CD96: variants seen among roughly 807,000 people sequenced by gnomAD.
CD96 encodes T-cell surface protein tactile.
A neutral mutation model predicts 71.3 loss-of-function variants in CD96; 70 were observed. That is an observed-to-expected ratio of 0.98 (90% confidence interval 0.81 to 1.20). The LOEUF (loss-of-function observed/expected upper bound fraction) is 1.20. Among genes scored for constraint, CD96 ranks in the 50% most tolerant of loss-of-function variants. The probability of loss-of-function intolerance (pLI) is 0.00; values close to 1 mark genes in which losing one functional copy is unlikely to be tolerated. For synonymous variants in CD96, 248 were observed against 233.0 expected, an observed-to-expected ratio of 1.06 and a Z score of -0.59; for missense variants, 742 against 677.5, an observed-to-expected ratio of 1.10 and a Z score of -1.06.
chr3:111,580,573 A>G (rs1332211617), intron 4 of CD96, among the ~76,000 whole-genome samples: 2 of 152,346 alleles, frequency 1.3e-5, no homozygotes, highest in East Asian at 3.9e-4. Context: ...AAGCAAAAAA[A>G]AATTATTTGG....
chr3:111,647,597 C>T lies in CD96; in HGVS notation c.1532C>T (p.Ala511Val). 2 of 1,611,436 alleles carry T rather than the reference C, an allele frequency of 1.2e-6. No individual in the cohort carries two copies. Among genetic ancestry groups the T allele is most frequent in the South Asian group, 1.1e-5 (1 of 91,028 alleles). ...ATGTCCTGGCCAGTGATTGTAGCAG[C>T]TTTACTCTTTTGCTGCATGATATTG... Reference protein sequence around the residue: ...DGMSWPVIVAALLFCCMILFG... With the variant: ...DGMSWPVIVAVLLFCCMILFG... Residue 511 changes from alanine (A) to valine (V), a missense_variant, in exon 13 of 14, where the codon GCT (alanine) becomes GTT (valine). By Grantham distance (64) the Ala-to-Val change is moderately conservative. Transcript: ENST00000352690.
intron 12 of CD96, among the ~76,000 whole-genome samples, chr3:111,640,807 A>G (rs1939554016): frequency 1.3e-5 from 2 of 152,220 alleles, no homozygotes; most frequent in South Asian, 4.1e-4. Flanking sequence ...AAATCCTACA[A>G]GCTAGAAGAG....
intron 8 of CD96, among the ~76,000 whole-genome samples, chr3:111,620,725 A>G (rs1317564215): frequency 4.6e-5 from 7 of 152,164 alleles, no homozygotes; most frequent in Admixed American, 2.0e-4. Flanking sequence ...TCAGCCCTCA[A>G]TGTACTCCAC....
intron 2 of CD96, among the ~76,000 whole-genome samples, chr3:111,549,484 T>C (rs1450224253): frequency 1.3e-5 from 2 of 152,152 alleles, no homozygotes; most frequent in Non-Finnish European, 1.5e-5. Context: ...ATTTCAAAAA[T>C]GCATCTTTGT....
At chr3:111,624,928 C>A (rs188889830) in intron 10 of CD96, among the ~76,000 whole-genome samples, 69 of 152,302 alleles carry the variant, frequency 4.5e-4, no homozygotes, top group Middle Eastern at 3.4e-3. Flanking sequence ...TTAGCAGATA[C>A]AGACAGGATC....
chr3:111,571,816 G>T (rs1004340698), intron 3 of CD96, among the ~76,000 whole-genome samples: 1 of 152,216 alleles, frequency 6.6e-6, no homozygotes, highest in African/African-American at 2.4e-5. Context: ...GATTCAGCCA[G>T]TCTATTAAAC....
chr3:111,657,288 T>C (rs962803215), downstream of CD96, among the ~76,000 whole-genome samples: 1 of 151,820 alleles, frequency 6.6e-6, no homozygotes, highest in Non-Finnish European at 1.5e-5. Context: ...CATGGTGGCA[T>C]GTGCCTGTAG....
At chr3:111,546,895 C>CACACACACACACACACAGACACATAA (rs1934425824) in intron 2 of CD96, among the ~76,000 whole-genome samples, 2 of 128,246 alleles carry the variant, frequency 1.6e-5, no homozygotes, top group Admixed American at 1.6e-4. Flanking sequence ...GAAAACACAC[C>CACACACACACACACACAGACACATAA]ACACACACAC....
At chr3:111,607,018 C>T in intron 8 of CD96, 1 of 583,378 alleles carries the variant, frequency 1.7e-6, no homozygotes, top group Non-Finnish European at 3.1e-6. Flanking sequence ...CAGACTTGTA[C>T]AACCATGACT....
At chr3:111,607,242 G>A (rs369256861) in intron 8 of CD96, among the ~76,000 whole-genome samples, 1 of 152,156 alleles carries the variant, frequency 6.6e-6, no homozygotes, top group East Asian at 1.9e-4. Flanking sequence ...CCAAAACAAT[G>A]TTCTCAGTGG....
At chr3:111,555,698 C>T (rs1449601524) in intron 2 of CD96, among the ~76,000 whole-genome samples, 3 of 152,280 alleles carry the variant, frequency 2.0e-5, no homozygotes, top group Non-Finnish European at 4.4e-5. Context: ...TATGATGTGT[C>T]TTTTGGCTTT....
At position 111,607,268 on chromosome 3, in the gene CD96, G is replaced by T. The variant is rs143123879; in HGVS notation, c.1180+476G>T. ...TTCTCAGTGGGGAGTTTAAGAGATT[G>T]GTTGTAAATGGGGATAGGCCAAAAG... On this transcript the variant is annotated intron_variant, in intron 8 of 13. Transcript: ENST00000352690. Among the ~76,000 whole-genome samples, 97 of 152,260 alleles carry T rather than the reference G, an allele frequency of 6.4e-4. 1 individual carries two copies. The highest frequency in any genetic ancestry group is 2.8e-3 in the Admixed American group (43 of 15,296).
At chr3:111,653,985 A>G (rs1325597110), downstream of CD96, among the ~76,000 whole-genome samples, 1 of 152,166 alleles carries the variant, frequency 6.6e-6, no homozygotes, top group Non-Finnish European at 1.5e-5. Context: ...AAGTTTAGAG[A>G]AACTTACTAA....
Position 111,637,247 on chromosome 3 carries a change from G to T in CD96, c.1373G>T (p.Gly458Val), listed in dbSNP as rs367750319. ...TACAGTTCATCCCCGTCAGGTGCAG[G>T]CTCAACACTTCATGGTGAGTACTTG... ...ETYSSSPSGA[G>V]STLHDNVFTS... The change falls in exon 11 of 14, where the codon GGC becomes GTC. Residue 458 changes from glycine to valine, a missense_variant. By Grantham distance (109) the Gly-to-Val change is moderately radical (BLOSUM62 -3). Coordinates refer to ENST00000352690, the MANE Select transcript of CD96 (RefSeq NM_005816.5). The T allele has an allele frequency of 6.4e-7, 1 of 1,566,694 alleles. No homozygotes were observed. The highest frequency in any genetic ancestry group is 8.8e-7 in the Non-Finnish European group (1 of 1,136,708).
At chr3:111,664,924 A>G (rs1940445262) in intron 14 of CD96, among the ~76,000 whole-genome samples, 1 of 152,250 alleles carries the variant, frequency 6.6e-6, no homozygotes, top group Non-Finnish European at 1.5e-5. Flanking sequence ...CGATGTTGTT[A>G]TGTAAGAGAT....
chr3:111,605,038 G>A (rs1937586289), intron 7 of CD96, among the ~76,000 whole-genome samples: 1 of 152,154 alleles, frequency 6.6e-6, no homozygotes, highest in Non-Finnish European at 1.5e-5. Flanking sequence ...TACCACTTTG[G>A]AAGATAATGC....
At chr3:111,629,745 A>G (rs1394277018) in intron 10 of CD96, among the ~76,000 whole-genome samples, 1 of 152,232 alleles carries the variant, frequency 6.6e-6, no homozygotes, top group Admixed American at 6.5e-5. Context: ...CACTTCCTCT[A>G]AAATTTATCA....
intron 7 of CD96, among the ~76,000 whole-genome samples, chr3:111,604,473 T>A (rs188414248): frequency 6.6e-6 from 1 of 152,314 alleles, no homozygotes; most frequent in Admixed American, 6.5e-5. Flanking sequence ...CACTTTACAG[T>A]CTAATCTAAA....
intron 5 of CD96, among the ~76,000 whole-genome samples, chr3:111,596,567 G>A (rs1462890002): frequency 6.6e-6 from 1 of 152,146 alleles, no homozygotes. Context: ...TAACTAAAGA[G>A]AAAGGAAATG....
Sources: gnomAD v4.1 joint callset for allele counts (sites outside exome capture counted in the v4.1 genomes callset) on GRCh38, gnomAD v4.1.1 for gene constraint, MANE v1.5 for transcripts, NCBI Gene and HGNC (gene_info 2026-07-23, HGNC 2026-07-21) for gene names.